Variants in COA1 observed in about 807,000 individuals in gnomAD.
COA1 encodes cytochrome c oxidase assembly factor 1, also known as cytochrome c oxidase assembly factor 1 homolog.
A neutral mutation model predicts 16.0 loss-of-function variants in COA1; 13 were observed. The ratio of observed to expected loss-of-function variants is 0.81; its 90% CI spans 0.53 to 1.29. The LOEUF (loss-of-function observed/expected upper bound fraction) is 1.29. COA1 is among the 50% of genes most tolerant of loss of function. COA1 has a pLI of 0.00. For missense variants in COA1, 179 were observed against 177.0 expected (o/e 1.01, Z -0.06); for synonymous variants, 65 against 65.7 (o/e 0.99, Z 0.05).
intron 1 of COA1, among the ~76,000 whole-genome samples, chr7:43,670,130 T>C (rs1407848297): frequency 1.3e-5 from 2 of 152,028 alleles, no homozygotes; most frequent in Non-Finnish European, 2.9e-5. Context: ...ATTTTAAAGG[T>C]TTATGCATAT....
At chr7:43,661,789 C>T (rs2092460072) in intron 1 of COA1, among the ~76,000 whole-genome samples, 1 of 152,048 alleles carries the variant, frequency 6.6e-6, no homozygotes, top group African/African-American at 2.4e-5. Flanking sequence ...AAGGTCAAAA[C>T]CATTTTCAAA....
At chr7:43,692,179 A>G (rs375676024) in intron 1 of COA1, among the ~76,000 whole-genome samples, 229 of 152,302 alleles carry the variant, frequency 1.5e-3, no homozygotes, top group Non-Finnish European at 2.9e-3. Flanking sequence ...TTTGATCCTG[A>G]GAGAAATTTA....
intron 1 of COA1, among the ~76,000 whole-genome samples, chr7:43,716,085 T>C (rs1193001087): frequency 1.3e-5 from 2 of 152,168 alleles, no homozygotes; most frequent in African/African-American, 4.8e-5. Flanking sequence ...TTTTGTAAAT[T>C]GCCCAGTCTC....
Position 43,656,170 on chromosome 7 carries a change from G to T in COA1, c.-38-7518C>A, listed in dbSNP as rs568522729. 9.8e-5 allele frequency: 15 copies of T among 152,318 alleles called. No homozygotes were observed. In the East Asian group the frequency reaches 2.9e-3, roughly 29 times the overall value. The allele number at this position is 152,318 out of a possible 1,614,324, so 9.4% of individuals were successfully genotyped here. On this transcript the variant is annotated intron_variant, in intron 1 of 5. Coordinates refer to ENST00000223336, the MANE Select transcript of COA1 (RefSeq NM_018224.4). ...CAAGTCAACCTACGGAATCATGAAA[G>T]ATAATAAAATTATTTTAGTTGTAAG...
chr7:43,623,534 C>T (rs1178004861), intron 6 of COA1: 10 of 1,579,668 alleles, frequency 6.3e-6, no homozygotes, highest in African/African-American at 2.7e-5. Context: ...GAATTTTTTT[C>T]CACAAAACTA....
intron 6 of COA1, among the ~76,000 whole-genome samples, chr7:43,616,181 G>C (rs1583668376): frequency 6.6e-6 from 1 of 152,248 alleles, no homozygotes; most frequent in South Asian, 2.1e-4. Context: ...TAATTTTCCA[G>C]GGCAGAATTA....
At chr7:43,694,503 C>A (rs1022277287) in intron 1 of COA1, among the ~76,000 whole-genome samples, 1 of 152,122 alleles carries the variant, frequency 6.6e-6, no homozygotes. Flanking sequence ...CAATTCTCAG[C>A]GCTCATTTTA....
chr7:43,713,298 A>G (rs1421585379), intron 1 of COA1, among the ~76,000 whole-genome samples: 1 of 152,174 alleles, frequency 6.6e-6, no homozygotes, highest in Non-Finnish European at 1.5e-5. Flanking sequence ...AGTATTTAGC[A>G]TGTCCATCAT....
At chr7:43,721,844 T>C (rs1432299229) in intron 1 of COA1, among the ~76,000 whole-genome samples, 1 of 152,156 alleles carries the variant, frequency 6.6e-6, no homozygotes, top group East Asian at 1.9e-4. Flanking sequence ...TCGTAAGTTA[T>C]AATGTGAAAG....
chr7:43,631,818 G>A (rs2085200168), intron 6 of COA1: 1 of 152,164 alleles, frequency 6.6e-6, no homozygotes, highest in Non-Finnish European at 1.5e-5. Flanking sequence ...TAAGTCACAT[G>A]AATTTTTTGC....
intron 1 of COA1, among the ~76,000 whole-genome samples, chr7:43,721,813 TACTC>T (rs1472942880): frequency 6.6e-6 from 1 of 152,076 alleles, no homozygotes; most frequent in Admixed American, 6.6e-5. Flanking sequence ...AGAATACAAA[TACTC>T]AGTACCATGG....
chr7:43,699,893 T>C (rs900305915), intron 1 of COA1, among the ~76,000 whole-genome samples: 1 of 152,094 alleles, frequency 6.6e-6, no homozygotes, highest in African/African-American at 2.4e-5. Context: ...TGGGATTATT[T>C]TAGGTATGAT....
At chr7:43,613,294 A>G (rs1204758988) in intron 6 of COA1, among the ~76,000 whole-genome samples, 1 of 152,192 alleles carries the variant, frequency 6.6e-6, no homozygotes, top group Non-Finnish European at 1.5e-5. Context: ...CAAGTATTTC[A>G]TTGAATCCAC....
intron 1 of COA1, among the ~76,000 whole-genome samples, chr7:43,666,017 G>C (rs914190299): frequency 1.3e-5 from 2 of 152,164 alleles, no homozygotes; most frequent in Non-Finnish European, 2.9e-5. Context: ...TGGTGAGGGA[G>C]ATCTTCAGTC....
intron 1 of COA1, among the ~76,000 whole-genome samples, chr7:43,710,795 A>C (rs1172306036): frequency 6.6e-6 from 1 of 152,198 alleles, no homozygotes; most frequent in Non-Finnish European, 1.5e-5. Context: ...TCAGGTGCTA[A>C]GCCCTTTCCA....
chr7:43,689,048 T>C (rs2094161643), intron 1 of COA1, among the ~76,000 whole-genome samples: 1 of 152,194 alleles, frequency 6.6e-6, no homozygotes, highest in Admixed American at 6.5e-5. Flanking sequence ...CCCCACGTAT[T>C]TAAATCTTCT....
intron 1 of COA1, among the ~76,000 whole-genome samples, chr7:43,698,981 G>A (rs189090412): frequency 6.6e-6 from 1 of 152,102 alleles, no homozygotes; most frequent in Non-Finnish European, 1.5e-5. Flanking sequence ...AAATATTCTT[G>A]CAATTGTCAA....
intron 6 of COA1, among the ~76,000 whole-genome samples, chr7:43,613,915 CAT>C (rs1361662074): frequency 6.6e-6 from 1 of 152,056 alleles, no homozygotes; most frequent in Non-Finnish European, 1.5e-5. Context: ...TGGGACTTTC[CAT>C]ATGAGATTTA....
At chr7:43,640,759 C>G in intron 4 of COA1, 110 bp from the exon 5 acceptor site, 1 of 772,936 alleles carries the variant, frequency 1.3e-6, no homozygotes, top group East Asian at 3.0e-5. Flanking sequence ...TCCAGTGATT[C>G]TCCACAGAAG....
Sources: gnomAD v4.1 joint callset for allele counts (sites outside exome capture counted in the v4.1 genomes callset) on GRCh38, gnomAD v4.1.1 for gene constraint, MANE v1.5 for transcripts, NCBI Gene and HGNC (gene_info 2026-07-23, HGNC 2026-07-21) for gene names.